The following AHRR variants were observed in gnomAD, a reference collection of about 807,000 sequenced individuals.
AHRR encodes ahR repressor.
In AHRR, 28 loss-of-function variants were observed where a neutral mutation model predicts 44.0. That is an observed-to-expected ratio of 0.64 (90% confidence interval 0.47 to 0.87). The LOEUF (loss-of-function observed/expected upper bound fraction) is 0.87. Ranked by LOEUF, AHRR falls within the 40% of genes least tolerant of loss-of-function variation. The probability of loss-of-function intolerance (pLI) is 0.00; values close to 1 mark genes in which losing one functional copy is unlikely to be tolerated. For synonymous variants in AHRR, 434 were observed against 407.0 expected (o/e 1.07, Z -0.80); for missense variants, 990 against 953.9 (o/e 1.04, Z -0.50).
Position 404,285 on chromosome 5 carries a change from A to T in AHRR, c.352-9059A>T, listed in dbSNP as rs937118787. On this transcript the variant is annotated intron_variant, in intron 4 of 10. Transcript: ENST00000684583. The surrounding 1 kb of genome is among the most constrained non-coding windows in gnomAD (Gnocchi z 4.1). Reference sequence around the variant, plus strand: ...CAAATCATTGCCCTTCTCATCAAACATGTGAATAATTCGCTAATTTTTCTT... The same window carrying T: ...CAAATCATTGCCCTTCTCATCAAACTTGTGAATAATTCGCTAATTTTTCTT... The T allele has an allele frequency of 9.3e-5, 46 of 494,878 alleles. No homozygotes were observed. In the Admixed American group the frequency reaches 1.1e-3, roughly 12 times the overall value. The allele number at this position is 494,878 out of a possible 1,614,324, so 30.7% of individuals were successfully genotyped here. A position where few individuals can be genotyped will look rare whatever the true frequency, so the allele number is the denominator to read the frequency against.
At chr5:391,389 AGGGCG>A (rs1734433885) in intron 4 of AHRR, among the ~76,000 whole-genome samples, 1 of 80,646 alleles carries the variant, frequency 1.2e-5, no homozygotes, top group Admixed American at 1.2e-4. Flanking sequence ...CAGGGCGAGG[AGGGCG>A]CAGGGCGAGG....
chr5:370,107 C>T lies in AHRR; in HGVS notation c.245-6503C>T, dbSNP rs1377347551. 6.7e-6 allele frequency among the ~76,000 whole-genome samples: 1 copy of T among 149,362 alleles called. No individual in the cohort carries two copies. The highest frequency in any genetic ancestry group is 1.5e-5 in the Non-Finnish European group (1 of 67,634). Reference sequence around the variant, plus strand: ...TGGAAGCCCCGTCCTCCCGGGCCCTCGCTGGAAGCCCCGTCCTCCCGGGCC... The same window carrying T: ...TGGAAGCCCCGTCCTCCCGGGCCCTTGCTGGAAGCCCCGTCCTCCCGGGCC... On this transcript the variant is annotated intron_variant, in intron 3 of 10. Transcript: ENST00000684583. This position sits in a 1 kb window ranked among gnomAD's most constrained non-coding sequence, Gnocchi z 4.5.
At position 344,685 on chromosome 5, in the gene AHRR, T is replaced by TGACTGCGG. The variant is rs1321403208; in HGVS notation, c.62+722_62+723insACTGCGGG. Among the ~76,000 whole-genome samples, 18 of 5,376 alleles carry TGACTGCGG rather than the reference T, an allele frequency of 3.3e-3. 7 individuals carry two copies. Among genetic ancestry groups the TGACTGCGG allele is most frequent in the African/African-American group, 0.024 (12 of 492 alleles). The allele number at this position is 5,376 out of a possible 152,430, so 3.5% of individuals were successfully genotyped here. On this transcript the variant is annotated intron_variant, in intron 2 of 10. Transcript: ENST00000684583. ...GGAGCTGTGTGTGTGTGGGTGTGTG[T>TGACTGCGG]GTGTGAGGCTGTGGGGGGCTGTGTG... is the stretch of plus-strand genomic sequence containing the variant.
At chr5:394,300 C>G (rs1020181032) in intron 4 of AHRR, among the ~76,000 whole-genome samples, 3 of 146,360 alleles carry the variant, frequency 2.0e-5, no homozygotes, top group Non-Finnish European at 4.5e-5. Flanking sequence ...CCTTTCCTCC[C>G]TGTGTGCTGG....
chr5:342,271 T>A lies in AHRR; in HGVS notation c.-10-1622T>A, dbSNP rs1400993496. Among the ~76,000 whole-genome samples, 3 of 152,248 alleles carry A rather than the reference T, an allele frequency of 2.0e-5. No homozygotes were observed. The highest frequency in any genetic ancestry group is 2.0e-4 in the Admixed American group (3 of 15,286). On this transcript the variant is annotated intron_variant, in intron 1 of 10. Coordinates refer to ENST00000684583, the MANE Select transcript of AHRR (RefSeq NM_001377236.1). This position sits in a 1 kb window ranked among gnomAD's most constrained non-coding sequence, Gnocchi z 4.3. ...GTTCTATTGATCACTGAGATAGGAATGTTAATGTCTCCCATGAATTATCCT... is the reference window on the plus strand; with the variant it reads ...GTTCTATTGATCACTGAGATAGGAAAGTTAATGTCTCCCATGAATTATCCT...
intron 1 of AHRR, among the ~76,000 whole-genome samples, chr5:331,946 A>G (rs1167959779): frequency 1.3e-5 from 2 of 152,212 alleles, no homozygotes; most frequent in Non-Finnish European, 2.9e-5. Context: ...GTTGGGGACC[A>G]CCACTATAAA....
At chr5:376,954 G>A (rs949238989) in intron 4 of AHRR, among the ~76,000 whole-genome samples, 5 of 152,164 alleles carry the variant, frequency 3.3e-5, no homozygotes, top group South Asian at 2.1e-4. Flanking sequence ...AAGGCAGCCC[G>A]AGAGCTCTCG....
At chr5:428,314 G>A (rs958207287) in intron 8 of AHRR, among the ~76,000 whole-genome samples, 1 of 152,252 alleles carries the variant, frequency 6.6e-6, no homozygotes, top group African/African-American at 2.4e-5. Flanking sequence ...GGAGCTGGCT[G>A]TGGCCCCTGC....
At chr5:386,952 A>G (rs913343640) in intron 4 of AHRR, among the ~76,000 whole-genome samples, 1 of 152,068 alleles carries the variant, frequency 6.6e-6, no homozygotes, top group African/African-American at 2.4e-5. Flanking sequence ...AATGTGGATT[A>G]TTTTTTGTTT....
chr5:346,378 C>T lies in AHRR; in HGVS notation c.62+2414C>T, dbSNP rs75692508. Among the ~76,000 whole-genome samples the T allele has an allele frequency of 5.3e-5, 8 of 152,294 alleles. No homozygotes were observed. The East Asian group carries it at 7.7e-4, about 15-fold the overall frequency. ...ACACCAATACATAAAACGCAAAGGC[C>T]CAGAAACTCCTTTCTCAGGTCTTTG... On this transcript the variant is annotated intron_variant, in intron 2 of 10. Transcript: ENST00000684583.
Position 353,730 on chromosome 5 carries a change from G to T in AHRR, c.63G>T (p.Gln21His). 6.2e-7 allele frequency: 1 copy of T among 1,606,336 alleles called. No individual in the cohort carries two copies. The change falls in exon 3 of 11, where the codon CAG (glutamine) becomes CAT (histidine). Residue 21 changes from glutamine (Q) to histidine (H), a missense_variant and splice_region_variant. Coordinates refer to ENST00000684583, the MANE Select transcript of AHRR (RefSeq NM_001377236.1). ...GRKRRRPLQK[Q>H]RPAVGAEKSN... ...CCTGACCCAGACCATCTCCCCACAGGAGGCCCGCCGTGGGGGCAGAGAAGT... is the reference window on the plus strand; with the variant it reads ...CCTGACCCAGACCATCTCCCCACAGTAGGCCCGCCGTGGGGGCAGAGAAGT...
At position 396,562 on chromosome 5, in the gene AHRR, T is replaced by G. The variant is rs1415986315; in HGVS notation, c.352-16782T>G. 2.6e-5 allele frequency among the ~76,000 whole-genome samples: 4 copies of G among 152,230 alleles called. No homozygotes were observed. The East Asian group carries it at 7.7e-4, about 29-fold the overall frequency. ...CTGGCCTGGCATTTTCTGCCGCTTC[T>G]TCGGCCTTTCTGCTAAGAGAAATCC... On this transcript the variant is annotated intron_variant, in intron 4 of 10. Transcript: ENST00000684583.
At chr5:402,509 C>T (rs565426356) in intron 4 of AHRR, among the ~76,000 whole-genome samples, 58 of 125,640 alleles carry the variant, frequency 4.6e-4, no homozygotes, top group Non-Finnish European at 6.2e-4. Context: ...GCACTGTTGG[C>T]GGGAAGGCAG....
intron 5 of AHRR, among the ~76,000 whole-genome samples, chr5:420,425 C>G (rs1244506963): frequency 1.3e-5 from 2 of 152,206 alleles, no homozygotes; most frequent in South Asian, 2.1e-4. Flanking sequence ...AGTGACCCCC[C>G]ACTGCTCACC....
intron 2 of AHRR, 39 bp downstream of exon 2, chr5:344,003 C>G: frequency 1.3e-6 from 2 of 1,574,814 alleles, no homozygotes; most frequent in Non-Finnish European, 1.7e-6. Flanking sequence ...GGTTGTTGCA[C>G]CCATGGAAGG....
At chr5:400,086 C>T (rs1334781865) in intron 4 of AHRR, among the ~76,000 whole-genome samples, 2 of 152,140 alleles carry the variant, frequency 1.3e-5, no homozygotes, top group South Asian at 2.1e-4. Context: ...GTTGTGGCTC[C>T]GTAACCGTGG....
Position 342,864 on chromosome 5 carries a change from CAG to C in AHRR, c.-10-1028_-10-1027del, listed in dbSNP as rs1742391487. ...TGGGCACAGATACTGGGCTGCTCCT[CAG>C]GGGCCCCGCTGGGAGGCACATGCCT... On this transcript the variant is annotated intron_variant, in intron 1 of 10. Coordinates refer to ENST00000684583, the MANE Select transcript of AHRR (RefSeq NM_001377236.1). This position sits in a 1 kb window ranked among gnomAD's most constrained non-coding sequence, Gnocchi z 4.3. 6.6e-6 allele frequency among the ~76,000 whole-genome samples: 1 copy of C among 152,256 alleles called. No individual in the cohort carries two copies. The highest frequency in any genetic ancestry group is 2.4e-5 in the African/African-American group (1 of 41,474).
At chr5:335,970 C>T (rs1040189668) in intron 1 of AHRR, among the ~76,000 whole-genome samples, 3 of 152,224 alleles carry the variant, frequency 2.0e-5, no homozygotes, top group Admixed American at 1.3e-4. Context: ...ACCTCAGTTC[C>T]GCAAGCAGCA....
chr5:415,230 G>A (rs1735672526), intron 5 of AHRR, among the ~76,000 whole-genome samples: 1 of 152,224 alleles, frequency 6.6e-6, no homozygotes, highest in Admixed American at 6.5e-5. Context: ...TGCCTACGAG[G>A]AAAGGGTCCC....
Sources: allele counts gnomAD v4.1 joint callset (sites outside exome capture counted in the v4.1 genomes callset), GRCh38; gene constraint gnomAD v4.1.1; non-coding constraint Gnocchi (gnomAD v3.1); transcripts MANE v1.5; gene names NCBI Gene and HGNC (gene_info 2026-07-23, HGNC 2026-07-21).